The following GALNS variants were observed in gnomAD, a reference collection of about 807,000 sequenced individuals.
The protein encoded by GALNS is N-acetylgalactosamine-6-sulfatase.
GALNS carries 65 observed loss-of-function variants against 65.9 expected under a neutral mutation model. That is an observed-to-expected ratio of 0.99 (90% CI 0.81 to 1.21). The LOEUF (loss-of-function observed/expected upper bound fraction) is 1.21, where lower values mean the gene tolerates loss of function less well. Ranked by LOEUF, GALNS falls within the 50% of genes most tolerant of loss-of-function variation. The pLI is 0.00. For synonymous variants in GALNS, 346 were observed against 288.9 expected (o/e 1.20, Z -2.00); for missense variants, 776 against 700.7 (o/e 1.11, Z -1.21).
chr16:88,819,797 G>C (rs568108786), intron 12 of GALNS, among the ~76,000 whole-genome samples: 1 of 149,928 alleles, frequency 6.7e-6, no homozygotes, highest in Non-Finnish European at 1.5e-5. Context: ...TGGTTCAAGC[G>C]ATTCTCCTGC....
chr16:88,844,872 C>T (rs1231244032), intron 1 of GALNS: 1 of 152,272 alleles, frequency 6.6e-6, no homozygotes, highest in Non-Finnish European at 1.5e-5. Context: ...ATGGGGCTGT[C>T]ACAGCCCCTC....
At chr16:88,843,176 G>T (rs1257156883) in intron 1 of GALNS, 12 of 1,381,410 alleles carry the variant, frequency 8.7e-6, no homozygotes, top group Non-Finnish European at 1.1e-5. Context: ...ATGCTCGCAG[G>T]AGCTGGCCTC....
At chr16:88,815,109 C>T (rs941435018) in intron 13 of GALNS, 41 of 985,330 alleles carry the variant, frequency 4.2e-5, no homozygotes, top group Middle Eastern at 5.2e-4. Flanking sequence ...GGGACCACCT[C>T]GGTCCAGGTG....
At chr16:88,850,519 G>C (rs955568787) in intron 1 of GALNS, among the ~76,000 whole-genome samples, 5 of 152,100 alleles carry the variant, frequency 3.3e-5, no homozygotes, top group African/African-American at 1.2e-4. Flanking sequence ...CCCAGGGCTT[G>C]AGGGAGGGGG....
Position 88,836,216 on chromosome 16 carries a change from G to A in GALNS, c.618C>T (p.Thr206=). 1 of 1,613,558 alleles carries A rather than the reference G, an allele frequency of 6.2e-7. No individual in the cohort carries two copies. Among genetic ancestry groups the A allele is most frequent in the Non-Finnish European group, 8.5e-7 (1 of 1,179,826 alleles). ...INLKTGEANL[T]QIYLQEALDF... ...TCCCCATCACCTGCAGGTAGATCTG[G>A]GTGAGGTTGGCTTCCCCCGTCTTCA... Residue 206 remains threonine, a synonymous_variant, in exon 6 of 14, where the codon ACC becomes ACT. Transcript: ENST00000268695.
rs138936196 is a variant in GALNS at position 88,835,174 on chromosome 16, G to T, written c.898+39C>A. 3.2e-4 allele frequency: 503 copies of T among 1,555,508 alleles called. 10 individuals are homozygous for T. In the East Asian group the frequency reaches 0.012, roughly 37 times the overall value. ...CCAGGCACTCTTCGCTGACACGCTG[G>T]CTGTGGGGAAACCGTGAGAAGTGAC... On this transcript the variant is annotated intron_variant, in intron 8 of 13. Coordinates refer to ENST00000268695, the MANE Select transcript of GALNS (RefSeq NM_000512.5).
intron 13 of GALNS, chr16:88,817,178 G>A: frequency 2.0e-6 from 2 of 985,462 alleles, no homozygotes; most frequent in Non-Finnish European, 2.4e-6. Context: ...CACCCTATGG[G>A]ACCCCCAAGC....
intron 1 of GALNS, among the ~76,000 whole-genome samples, chr16:88,846,835 C>A (rs953269156): frequency 2.0e-5 from 3 of 152,022 alleles, no homozygotes; most frequent in Non-Finnish European, 2.9e-5. Flanking sequence ...GAGCACTGTG[C>A]CCGGCCGTGT....
chr16:88,821,850 T>C (rs1358220656), intron 12 of GALNS, among the ~76,000 whole-genome samples: 1 of 152,032 alleles, frequency 6.6e-6, no homozygotes, highest in Admixed American at 6.5e-5. Context: ...ACCAACTCGA[T>C]AGGGCAGGAA....
chr16:88,833,470 G>A (rs1164247332), intron 8 of GALNS, among the ~76,000 whole-genome samples: 70 of 66,698 alleles, frequency 1.0e-3, no homozygotes, highest in Non-Finnish European at 1.6e-3. Flanking sequence ...TTTTTTTTTT[G>A]ACATGGAGTC....
Position 88,835,904 on chromosome 16 carries a change from T to A in GALNS, c.634-55A>T. 3 of 1,611,802 alleles carry A rather than the reference T, an allele frequency of 1.9e-6. No homozygotes were observed. The African/African-American group carries it at 4.0e-5, about 21-fold the overall frequency. ...AGCCTCAGGCCGACCTCCTCATGCC[T>A]CCCACGGTCCCCGTCCCCACACGTC... On this transcript the variant is annotated intron_variant, in intron 6 of 13. Transcript: ENST00000268695.
chr16:88,842,942 CCT>C (rs1217434303), intron 1 of GALNS, 113 bp from the exon 2 acceptor site: 18 of 1,540,086 alleles, frequency 1.2e-5, no homozygotes, highest in Non-Finnish European at 1.5e-5. Flanking sequence ...CCAGCACCAC[CCT>C]GTGTCCCAGC....
At chr16:88,831,942 T>C in intron 9 of GALNS, 56 bp downstream of exon 9, 2 of 1,492,874 alleles carry the variant, frequency 1.3e-6, no homozygotes, top group African/African-American at 1.4e-5. Context: ...GCACACACCC[T>C]GGGATGGCTG....
At chr16:88,856,709 C>T (rs1372147095) in intron 1 of GALNS, 49 bp downstream of exon 1, 6 of 651,072 alleles carry the variant, frequency 9.2e-6, no homozygotes, top group Non-Finnish European at 1.6e-5. Context: ...TCCGCCCCTC[C>T]CCTCCCCGCC....
In GALNS at chr16:88,835,710, G is replaced by A. The variant is rs1168216219; in HGVS notation, c.758+15C>T. On this transcript the variant is annotated intron_variant, in intron 7 of 13. Transcript: ENST00000268695. ...GCCTCCAGCGAGGTCTATGCTCCAT[G>A]GAGCCAGGACTCACCGCCCTCGCTG... is the stretch of plus-strand genomic sequence containing the variant. The A allele has an allele frequency of 2.5e-6, 4 of 1,613,828 alleles. No homozygotes were observed. The highest frequency in any genetic ancestry group is 4.5e-5 in the East Asian group (2 of 44,878).
At chr16:88,819,852 C>T (rs62048259) in intron 12 of GALNS, among the ~76,000 whole-genome samples, 1 of 151,846 alleles carries the variant, frequency 6.6e-6, no homozygotes, top group African/African-American at 2.4e-5. Context: ...CGCCACCACG[C>T]CTGGCTAATT....
chr16:88,826,077 A>C (rs2142995228), intron 10 of GALNS, among the ~76,000 whole-genome samples: 1 of 151,984 alleles, frequency 6.6e-6, no homozygotes, highest in South Asian at 2.1e-4. Flanking sequence ...CTTGGATGGA[A>C]GGAAGAAGGA....
intron 12 of GALNS, 52 bp downstream of exon 12, chr16:88,822,537 G>A: frequency 6.2e-7 from 1 of 1,608,820 alleles, no homozygotes. Flanking sequence ...CTGCATTTGG[G>A]GGAGTCCGGC....
chr16:88,835,465 C>T (rs1049265001), intron 7 of GALNS, 113 bp from the exon 8 acceptor site: 1 of 1,429,770 alleles, frequency 7.0e-7, no homozygotes, highest in Non-Finnish European at 9.7e-7. Flanking sequence ...ACTTCACAGA[C>T]CACAGTGAAA....
Sources: gnomAD v4.1 joint callset for allele counts (sites outside exome capture counted in the v4.1 genomes callset) on GRCh38, gnomAD v4.1.1 for gene constraint, MANE v1.5 for transcripts, NCBI Gene and HGNC (gene_info 2026-07-23, HGNC 2026-07-21) for gene names.